The following WDR7 variants were observed in gnomAD, a reference collection of about 807,000 sequenced individuals.
WDR7 encodes WD repeat-containing protein 7.
In WDR7, 46 loss-of-function variants were observed where a neutral mutation model predicts 169.4. That is an observed-to-expected ratio of 0.27 (90% CI 0.21 to 0.35). WDR7 has a LOEUF of 0.35. Among genes scored for constraint, WDR7 ranks in the 10% least tolerant of loss-of-function variants. The pLI, the probability that WDR7 is intolerant of heterozygous loss-of-function variation, is 1.00. For missense variants in WDR7, 1,534 were observed against 1,859.3 expected (o/e 0.83, Z 3.22); for synonymous variants, 612 against 666.8 (o/e 0.92, Z 1.27).
chr18:56,869,089 T>TG (rs1231454458), intron 20 of WDR7, among the ~76,000 whole-genome samples: 1 of 152,158 alleles, frequency 6.6e-6, no homozygotes, highest in African/African-American at 2.4e-5. Context: ...ATGAATTACT[T>TG]GAAAAACATG....
chr18:56,680,083 GT>G (rs1474598095), intron 3 of WDR7, among the ~76,000 whole-genome samples: 7 of 152,172 alleles, frequency 4.6e-5, no homozygotes, highest in Non-Finnish European at 8.8e-5. Context: ...GTTGCTATGT[GT>G]GGTGGCTCAC....
chr18:56,935,647 C>T (rs895332169), intron 22 of WDR7, 141 bp from the exon 23 acceptor site: 26 of 739,946 alleles, frequency 3.5e-5, no homozygotes, highest in Non-Finnish European at 5.9e-5. Context: ...AATCACTGCC[C>T]ATTGTTGCAA....
intron 6 of WDR7, among the ~76,000 whole-genome samples, chr18:56,686,354 T>A (rs946015676): frequency 6.6e-5 from 10 of 151,930 alleles, no homozygotes; most frequent in Non-Finnish European, 1.2e-4. Flanking sequence ...GAAAAAAAAA[T>A]AAAGCAAATC....
At chr18:56,655,587 C>T (rs1457710271) in intron 1 of WDR7, among the ~76,000 whole-genome samples, 2 of 142,728 alleles carry the variant, frequency 1.4e-5, no homozygotes, top group African/African-American at 2.7e-5. Flanking sequence ...TGCCACTGCA[C>T]TCTAGCCTGG....
At chr18:56,930,086 C>T (rs568461895) in intron 22 of WDR7, among the ~76,000 whole-genome samples, 1 of 152,312 alleles carries the variant, frequency 6.6e-6, no homozygotes, top group African/African-American at 2.4e-5. Context: ...GCGAGCATCA[C>T]ATACTGCCAC....
At chr18:56,783,956 TAGC>T (rs1394171871) in intron 19 of WDR7, among the ~76,000 whole-genome samples, 2 of 152,194 alleles carry the variant, frequency 1.3e-5, no homozygotes, top group Non-Finnish European at 2.9e-5. Context: ...AGAGGTGTGT[TAGC>T]AGGCCCAGAG....
At chr18:56,694,402 A>G (rs187979285) in intron 9 of WDR7, among the ~76,000 whole-genome samples, 160 of 152,338 alleles carry the variant, frequency 1.1e-3, no homozygotes, top group African/African-American at 3.6e-3. Flanking sequence ...TTTTTGTTTC[A>G]TTCAATGTGT....
Position 56,779,469 on chromosome 18 carries a change from C to A in WDR7, c.2986C>A (p.Pro996Thr). 6.2e-7 allele frequency: 1 copy of A among 1,613,852 alleles called. No individual in the cohort carries two copies. Among genetic ancestry groups the A allele is most frequent in the Non-Finnish European group, 8.5e-7 (1 of 1,179,878 alleles). Residue 996 changes from proline (P) to threonine (T), a missense_variant, in exon 18 of 28, where the codon CCA becomes ACA. Coordinates refer to ENST00000254442, the MANE Select transcript of WDR7 (RefSeq NM_015285.3). ...QLAAMHCVML[P>T]DLLGLDKFRP... ...AGCTGCTATGCACTGTGTTATGCTG[C>A]CAGACCTACTGGGATTGGATAAATT...
chr18:56,740,005 C>T (rs1425290914), intron 14 of WDR7, among the ~76,000 whole-genome samples: 1 of 151,744 alleles, frequency 6.6e-6, no homozygotes, highest in Non-Finnish European at 1.5e-5. Flanking sequence ...TTTCTTACCT[C>T]TCTTTCAGAA....
intron 25 of WDR7, among the ~76,000 whole-genome samples, chr18:56,962,093 A>G (rs1319898776): frequency 6.6e-6 from 1 of 152,108 alleles, no homozygotes; most frequent in African/African-American, 2.4e-5. Context: ...TAGTCACCGT[A>G]GCAAAATTGG....
chr18:56,770,380 A>G (rs2044135540), intron 16 of WDR7, among the ~76,000 whole-genome samples: 1 of 152,236 alleles, frequency 6.6e-6, no homozygotes, highest in Admixed American at 6.5e-5. Flanking sequence ...AATAGCCTTC[A>G]TATACCAAAT....
chr18:57,017,435 TG>T (rs1376390908), intron 26 of WDR7, among the ~76,000 whole-genome samples: 2 of 148,686 alleles, frequency 1.3e-5, no homozygotes, highest in African/African-American at 5.0e-5. Context: ...TGTGTGTGTG[TG>T]TGTGTGTGCA....
At chr18:56,938,058 G>A (rs895903993) in intron 23 of WDR7, among the ~76,000 whole-genome samples, 2 of 151,822 alleles carry the variant, frequency 1.3e-5, no homozygotes, top group East Asian at 3.9e-4. Flanking sequence ...GTAGACTGAG[G>A]GGGAGGAAGT....
At chr18:56,806,876 A>C (rs2044781906) in intron 19 of WDR7, among the ~76,000 whole-genome samples, 1 of 152,088 alleles carries the variant, frequency 6.6e-6, no homozygotes, top group Admixed American at 6.6e-5. Context: ...TACCTATTGC[A>C]CGGTTATGTT....
intron 13 of WDR7, among the ~76,000 whole-genome samples, chr18:56,723,081 C>T (rs1048216792): frequency 3.3e-5 from 5 of 152,168 alleles, no homozygotes; most frequent in Non-Finnish European, 4.4e-5. Flanking sequence ...TTACCTCTTA[C>T]TGTTCTTTTA....
rs2045788902 is a variant in WDR7 at position 56,860,536 on chromosome 18, A to G, written c.3305-19408A>G. Among the ~76,000 whole-genome samples, 3 of 152,176 alleles carry G rather than the reference A, an allele frequency of 2.0e-5. No homozygotes were observed. In the South Asian group the frequency reaches 6.2e-4, roughly 31 times the overall value. On this transcript the variant is annotated intron_variant, in intron 20 of 27. Transcript: ENST00000254442. ...TCCAGCACTCATGAGTAACCCTATA[A>G]TAATAAACCAGATCTCATGCAATTG...
chr18:56,754,247 T>TTGTGTG (rs71169393), intron 14 of WDR7, among the ~76,000 whole-genome samples: 326 of 141,688 alleles, frequency 2.3e-3, no homozygotes, highest in Middle Eastern at 3.5e-3. Context: ...GTTTTGTGCT[T>TTGTGTG]TGTGTGTGTG....
intron 26 of WDR7, among the ~76,000 whole-genome samples, chr18:57,005,884 G>A (rs1210626265): frequency 1.3e-5 from 2 of 152,068 alleles, no homozygotes; most frequent in Admixed American, 1.3e-4. Flanking sequence ...AAGCCATCCT[G>A]GGCCGCATGT....
chr18:56,950,283 A>T (rs1320363136), intron 25 of WDR7, among the ~76,000 whole-genome samples: 1 of 152,174 alleles, frequency 6.6e-6, no homozygotes, highest in Non-Finnish European at 1.5e-5. Context: ...CTGAAGTGAA[A>T]CTGTTCTGTT....
Sources: allele counts gnomAD v4.1 joint callset (sites outside exome capture counted in the v4.1 genomes callset), GRCh38; gene constraint gnomAD v4.1.1; transcripts MANE v1.5; gene names NCBI Gene and HGNC (gene_info 2026-07-23, HGNC 2026-07-21).